The following SNX13 variants were observed in gnomAD, a reference collection of about 807,000 sequenced individuals.
SNX13 encodes sorting nexin 13.
SNX13 carries 45 observed loss-of-function variants against 133.6 expected under a neutral mutation model. The ratio of observed to expected loss-of-function variants is 0.34; its 90% CI spans 0.27 to 0.43. The LOEUF (loss-of-function observed/expected upper bound fraction) is 0.43. Among genes scored for constraint, SNX13 ranks in the 20% least tolerant of loss-of-function variants. The pLI, the probability that SNX13 is intolerant of heterozygous loss-of-function variation, is 1.00. For synonymous variants in SNX13, 414 were observed against 373.9 expected, an observed-to-expected ratio of 1.11 and a Z score of -1.24; for missense variants, 1,032 against 1,145.1, an observed-to-expected ratio of 0.90 and a Z score of 1.43.
chr7:17,859,319 G>C (rs1279524018), intron 9 of SNX13, among the ~76,000 whole-genome samples: 1 of 151,926 alleles, frequency 6.6e-6, no homozygotes, highest in Non-Finnish European at 1.5e-5. Flanking sequence ...CACAGGAAAA[G>C]ACGCTCGGTA....
intron 17 of SNX13, among the ~76,000 whole-genome samples, chr7:17,824,887 A>C (rs1230801938): frequency 6.6e-6 from 1 of 151,590 alleles, no homozygotes; most frequent in African/African-American, 2.4e-5. Context: ...CTCCTGCCTC[A>C]GCCTCCCTAG....
chr7:17,925,983 G>A lies in SNX13; in HGVS notation c.12+14301C>T, dbSNP rs375838860. On this transcript the variant is annotated intron_variant, in intron 1 of 25. Coordinates refer to ENST00000428135, the MANE Select transcript of SNX13 (RefSeq NM_015132.5). ...TAATTTTACTAGGTGTAACAATAAT[G>A]TTGTGGTTATAGGTATTTTTTAAAT... 2.7e-4 allele frequency among the ~76,000 whole-genome samples: 41 copies of A among 152,304 alleles called. No individual in the cohort carries two copies. In the South Asian group the frequency reaches 4.8e-3, roughly 18 times the overall value.
chr7:17,832,583 T>C (rs533132745), intron 15 of SNX13: 5 of 652,612 alleles, frequency 7.7e-6, no homozygotes, highest in South Asian at 7.1e-5. Context: ...AGAGCTGCTA[T>C]TGCAAATTTC....
chr7:17,797,553 G>C (rs1165889403), intron 24 of SNX13, among the ~76,000 whole-genome samples: 1 of 151,770 alleles, frequency 6.6e-6, no homozygotes, highest in African/African-American at 2.4e-5. Context: ...TTGGTGTAAG[G>C]GCAAGACTCC....
At chr7:17,890,708 TA>T (rs775202714) in intron 4 of SNX13, among the ~76,000 whole-genome samples, 45 of 146,670 alleles carry the variant, frequency 3.1e-4, no homozygotes, top group Admixed American at 6.1e-4. Flanking sequence ...TGCCTAGATT[TA>T]AAAAAAAAAA....
rs893695722 is a variant in SNX13, at chr7:17,813,012, T to A, written c.2064+1822A>T. ...GGATAGCATTAGGAGAAACACCTAA[T>A]GTAGATCACAGGTTAATGGGTGCAG... On this transcript the variant is annotated intron_variant, in intron 20 of 25. Coordinates refer to ENST00000428135, the MANE Select transcript of SNX13 (RefSeq NM_015132.5). Among the ~76,000 whole-genome samples the A allele has an allele frequency of 7.7e-4, 118 of 152,260 alleles. 1 individual carries two copies. The highest frequency in any genetic ancestry group is 2.7e-3 in the African/African-American group (114 of 41,544).
At chr7:17,844,142 C>G (rs1476051850) in intron 12 of SNX13, among the ~76,000 whole-genome samples, 1 of 151,888 alleles carries the variant, frequency 6.6e-6, no homozygotes, top group Non-Finnish European at 1.5e-5. Flanking sequence ...ATAGTTGATT[C>G]TTTGAAAAGA....
intron 12 of SNX13, among the ~76,000 whole-genome samples, chr7:17,841,235 A>T (rs757338862): frequency 6.6e-6 from 1 of 151,996 alleles, no homozygotes; most frequent in Non-Finnish European, 1.5e-5. Flanking sequence ...GATTTAGAAG[A>T]CTGGCACCCT....
At chr7:17,929,537 A>C (rs552930556) in intron 1 of SNX13, among the ~76,000 whole-genome samples, 5 of 152,238 alleles carry the variant, frequency 3.3e-5, no homozygotes, top group Admixed American at 3.3e-4. Flanking sequence ...AAAAAAAAAG[A>C]TTTTTAACAC....
At chr7:17,872,997 T>C (rs1448892235) in intron 8 of SNX13, among the ~76,000 whole-genome samples, 2 of 152,224 alleles carry the variant, frequency 1.3e-5, no homozygotes. Flanking sequence ...ATCTTAACTG[T>C]ACAGTTTTTA....
intron 23 of SNX13, 31 bp downstream of exon 23, chr7:17,798,978 C>A: frequency 6.3e-7 from 1 of 1,589,362 alleles, no homozygotes. Flanking sequence ...TAAGTAAGAT[C>A]AGATTAAAAG....
chr7:17,805,254 T>TGTGTGTGTGTGTGTGTGTGTGTGC (rs537620797), intron 20 of SNX13, among the ~76,000 whole-genome samples: 3 of 132,440 alleles, frequency 2.3e-5, no homozygotes, highest in East Asian at 4.3e-4. Context: ...TGTGTGTGCG[T>TGTGTGTGTGTGTGTGTGTGTGTGC]GCGCGCGCGC....
At chr7:17,813,010 A>G (rs1289234461) in intron 20 of SNX13, among the ~76,000 whole-genome samples, 1 of 152,196 alleles carries the variant, frequency 6.6e-6, no homozygotes, top group East Asian at 1.9e-4. Context: ...AGAAACACCT[A>G]ATGTAGATCA....
intron 16 of SNX13, among the ~76,000 whole-genome samples, 174 bp from the exon 17 acceptor site, chr7:17,826,265 CA>C (rs1562710840): frequency 6.6e-6 from 1 of 151,678 alleles, no homozygotes; most frequent in East Asian, 1.9e-4. Flanking sequence ...TTTAGGCTAA[CA>C]GAAAAAAAGC....
chr7:17,825,947 T>C, intron 17 of SNX13, 75 bp downstream of exon 17: 2 of 1,101,674 alleles, frequency 1.8e-6, no homozygotes, highest in Non-Finnish European at 1.3e-6. Flanking sequence ...TTAGTAAAAA[T>C]TAAGTGTGGA....
intron 5 of SNX13, chr7:17,881,592 T>C (rs1795355924): frequency 6.6e-6 from 1 of 152,146 alleles, no homozygotes. Context: ...GAAGGCCTTT[T>C]GATCAACTGA....
chr7:17,910,839 A>G (rs772679686), intron 1 of SNX13, among the ~76,000 whole-genome samples: 9 of 152,224 alleles, frequency 5.9e-5, no homozygotes, highest in African/African-American at 1.4e-4. Flanking sequence ...AATATCCAGA[A>G]TACATAAATC....
At chr7:17,925,732 C>T (rs1242580711) in intron 1 of SNX13, among the ~76,000 whole-genome samples, 1 of 151,724 alleles carries the variant, frequency 6.6e-6, no homozygotes, top group African/African-American at 2.4e-5. Context: ...TGCTAAGCAT[C>T]CTACAATGCA....
chr7:17,854,311 C>A (rs903684958), intron 9 of SNX13, among the ~76,000 whole-genome samples: 3 of 152,130 alleles, frequency 2.0e-5, no homozygotes, highest in African/African-American at 4.8e-5. Context: ...CATATGATGA[C>A]AACTTAAAGA....
Sources: gnomAD v4.1 joint callset for allele counts (sites outside exome capture counted in the v4.1 genomes callset) on GRCh38, gnomAD v4.1.1 for gene constraint, MANE v1.5 for transcripts, NCBI Gene and HGNC (gene_info 2026-07-23, HGNC 2026-07-21) for gene names.